The following PALS1 variants were observed in gnomAD, a reference collection of about 807,000 sequenced individuals.
PALS1 encodes the protein protein PALS1.
Under a neutral mutation model 78.9 loss-of-function variants are expected in PALS1, and 31 were observed. The ratio of observed to expected loss-of-function variants is 0.39; its 90% CI spans 0.30 to 0.53. The LOEUF (loss-of-function observed/expected upper bound fraction) is 0.53, where lower values mean the gene tolerates loss of function less well. Ranked by LOEUF, PALS1 falls within the 20% of genes least tolerant of loss-of-function variation. PALS1 has a pLI of 0.67. For synonymous variants in PALS1, 276 were observed against 270.9 expected (o/e 1.02, Z -0.18); for missense variants, 704 against 826.5 (o/e 0.85, Z 1.82).
chr14:67,319,647 A>C (rs796785527), intron 11 of PALS1, among the ~76,000 whole-genome samples: 13 of 151,870 alleles, frequency 8.6e-5, no homozygotes, highest in African/African-American at 3.1e-4. Context: ...ACAATCTCAC[A>C]GTGTTTTAAG....
At chr14:67,287,472 G>C (rs1286697800) in intron 3 of PALS1, among the ~76,000 whole-genome samples, 1 of 152,104 alleles carries the variant, frequency 6.6e-6, no homozygotes, top group Non-Finnish European at 1.5e-5. Context: ...TAAAATGGAT[G>C]AAAGAAGAAA....
At position 67,324,864 on chromosome 14, in the gene PALS1, C is replaced by T. The variant is rs116698640; in HGVS notation, c.1851+1052C>T. Among the ~76,000 whole-genome samples, 91 of 150,064 alleles carry T rather than the reference C, an allele frequency of 6.1e-4. 1 individual carries two copies. The highest frequency in any genetic ancestry group is 2.2e-3 in the African/African-American group (90 of 40,536). On this transcript the variant is annotated intron_variant, in intron 14 of 14. Coordinates refer to ENST00000261681, the MANE Select transcript of PALS1 (RefSeq NM_022474.4). Reference sequence around the variant, plus strand: ...TCAGCCTCCCAAAGTTCTTGGATTGCAGGTGTAAGCTACCACGCCCAGCCT... The same window carrying T: ...TCAGCCTCCCAAAGTTCTTGGATTGTAGGTGTAAGCTACCACGCCCAGCCT...
chr14:67,306,994 T>G (rs2085014576), intron 8 of PALS1, among the ~76,000 whole-genome samples: 1 of 152,236 alleles, frequency 6.6e-6, no homozygotes, highest in Admixed American at 6.5e-5. Context: ...ACAAAATAAG[T>G]GTTATCTGAA....
At chr14:67,248,712 G>C (rs1595558584) in intron 1 of PALS1, among the ~76,000 whole-genome samples, 1 of 152,314 alleles carries the variant, frequency 6.6e-6, no homozygotes, top group Non-Finnish European at 1.5e-5. Flanking sequence ...TCTGTTGTTA[G>C]AGTGGCAGAG....
intron 14 of PALS1, among the ~76,000 whole-genome samples, chr14:67,329,070 G>C (rs1450183595): frequency 6.6e-5 from 10 of 152,186 alleles, no homozygotes; most frequent in Non-Finnish European, 1.3e-4. Context: ...ACCTTGGGCA[G>C]TATGGCCATT....
intron 1 of PALS1, among the ~76,000 whole-genome samples, chr14:67,246,556 G>A (rs2083990399): frequency 6.6e-6 from 1 of 151,810 alleles, no homozygotes; most frequent in South Asian, 2.1e-4. Flanking sequence ...GCCCAAGCTG[G>A]TCTTGAGCAG....
chr14:67,284,547 TAAAAAAAAAAAAAAAAAAAAAA>T (rs36207191), intron 3 of PALS1, among the ~76,000 whole-genome samples: 1,094 of 23,256 alleles, frequency 0.047, 16 homozygotes, highest in Non-Finnish European at 0.074. Context: ...GCTGCAGTGC[TAAAAAAAAAAAAAAAAAAAAAA>T]AAAAAAAAAA....
At chr14:67,303,787 A>C (rs993200980) in intron 8 of PALS1, among the ~76,000 whole-genome samples, 188 bp downstream of exon 8, 1 of 152,050 alleles carries the variant, frequency 6.6e-6, no homozygotes, top group Admixed American at 6.6e-5. Flanking sequence ...GGAAGGTGGA[A>C]GATGGAATCT....
chr14:67,283,538 T>G (rs2084632945), intron 3 of PALS1, among the ~76,000 whole-genome samples: 1 of 152,226 alleles, frequency 6.6e-6, no homozygotes, highest in African/African-American at 2.4e-5. Flanking sequence ...ACTATCAAAT[T>G]TTTGTTTAGC....
intron 11 of PALS1, among the ~76,000 whole-genome samples, chr14:67,318,710 A>C (rs2085215967): frequency 6.6e-6 from 1 of 152,192 alleles, no homozygotes; most frequent in South Asian, 2.1e-4. Flanking sequence ...CAGGGCAGTA[A>C]CTATATGATG....
chr14:67,329,313 C>T (rs939208825), intron 14 of PALS1, among the ~76,000 whole-genome samples: 13 of 152,244 alleles, frequency 8.5e-5, no homozygotes, highest in Admixed American at 2.0e-4. Context: ...CTTGTGATTT[C>T]TGCACATTGA....
intron 3 of PALS1, among the ~76,000 whole-genome samples, chr14:67,283,594 A>G (rs1465804851): frequency 1.3e-5 from 2 of 152,154 alleles, no homozygotes; most frequent in African/African-American, 4.8e-5. Context: ...CCATTCCTTC[A>G]GGGAATTTTT....
At chr14:67,307,585 T>C (rs1181997312) in intron 8 of PALS1, among the ~76,000 whole-genome samples, 1 of 152,216 alleles carries the variant, frequency 6.6e-6, no homozygotes, top group Non-Finnish European at 1.5e-5. Context: ...TTTCCCATTA[T>C]AGGTATAAAA....
At chr14:67,315,642 TTG>T (rs1464189802) in intron 9 of PALS1, among the ~76,000 whole-genome samples, 4 of 152,322 alleles carry the variant, frequency 2.6e-5, no homozygotes, top group Admixed American at 1.3e-4. Flanking sequence ...GAATACAGTC[TTG>T]GCCGTGCACA....
intron 3 of PALS1, among the ~76,000 whole-genome samples, chr14:67,287,485 C>A (rs931255947): frequency 6.6e-6 from 1 of 152,042 alleles, no homozygotes; most frequent in African/African-American, 2.4e-5. Flanking sequence ...AGAAGAAATT[C>A]AAATGGCTAT....
chr14:67,255,022 G>A (rs7140287), intron 1 of PALS1, among the ~76,000 whole-genome samples: 23,460 of 152,082 alleles, frequency 0.15, 3,413 homozygotes, highest in East Asian at 0.42. Context: ...GGTGGCGCAC[G>A]CCTGTAGTCC....
intron 1 of PALS1, among the ~76,000 whole-genome samples, chr14:67,263,267 C>T (rs1414763471): frequency 2.0e-5 from 3 of 152,076 alleles, no homozygotes; most frequent in Non-Finnish European, 2.9e-5. Context: ...CTCTCTTGTC[C>T]TCCTCCCACC....
intron 1 of PALS1, among the ~76,000 whole-genome samples, chr14:67,247,141 T>C (rs72717361): frequency 0.046 from 6,941 of 152,318 alleles, 178 homozygotes; most frequent in Middle Eastern, 0.054. Flanking sequence ...CTGAAGATAA[T>C]TGACATCTTA....
rs2085385262 is a variant in PALS1, at chr14:67,327,975, T to G, written c.1851+4163T>G. 2.6e-5 allele frequency among the ~76,000 whole-genome samples: 4 copies of G among 152,346 alleles called. No individual in the cohort carries two copies. The South Asian group carries it at 8.3e-4, about 32-fold the overall frequency. The stretch of plus-strand genomic sequence containing the variant: ...CATGTGTCTTTATAGCAGCATGATT[T>G]ATAATCCTTTGGGTATATACCCAGT... On this transcript the variant is annotated intron_variant, in intron 14 of 14. Transcript: ENST00000261681.
Sources: allele counts gnomAD v4.1 joint callset (sites outside exome capture counted in the v4.1 genomes callset), GRCh38; gene constraint gnomAD v4.1.1; transcripts MANE v1.5; gene names NCBI Gene and HGNC (gene_info 2026-07-23, HGNC 2026-07-21).